CEP68: variants seen among roughly 807,000 people sequenced by gnomAD.
CEP68 encodes centrosomal protein 68, also known as centrosomal protein of 68 kDa.
Under a neutral mutation model 55.3 loss-of-function variants are expected in CEP68, and 26 were observed. The ratio of observed to expected loss-of-function variants is 0.47; its 90% CI spans 0.34 to 0.65. The LOEUF (loss-of-function observed/expected upper bound fraction) is 0.65. CEP68 is among the 30% of genes least tolerant of loss of function. CEP68 has a pLI of 0.01. For synonymous variants in CEP68, 402 were observed against 383.2 expected, an observed-to-expected ratio of 1.05 and a Z score of -0.57; for missense variants, 957 against 946.7, an observed-to-expected ratio of 1.01 and a Z score of -0.14.
At chr2:65,073,113 T>C (rs1188134937) in intron 3 of CEP68, 133 bp downstream of exon 3, 5 of 957,608 alleles carry the variant, frequency 5.2e-6, no homozygotes, top group Middle Eastern at 2.1e-4. Context: ...CTGTACCTTA[T>C]CTTATTCAGT....
rs141590287 is a variant in CEP68, at chr2:65,082,598, C to G, written c.2167C>G (p.Arg723Gly). 5 of 1,609,100 alleles carry G rather than the reference C, an allele frequency of 3.1e-6. No individual in the cohort carries two copies. Among genetic ancestry groups the G allele is most frequent in the Non-Finnish European group, 4.2e-6 (5 of 1,178,230 alleles). ...QSGELESHAD[R>G]LYDSILASLD... Reference sequence around the variant, plus strand: ...TGGTGAGCTGGAGAGCCACGCAGATCGCCTGTATGACTCTATCTTGGCCTC... The same window carrying G: ...TGGTGAGCTGGAGAGCCACGCAGATGGCCTGTATGACTCTATCTTGGCCTC... Residue 723 changes from arginine to glycine, a missense_variant, in exon 6 of 7, where the codon CGC (arginine) becomes GGC (glycine). Physicochemically the swap from Arg to Gly is moderately radical, Grantham distance 125. Transcript: ENST00000377990.
chr2:65,078,195 A>G (rs1298068626), intron 5 of CEP68, among the ~76,000 whole-genome samples: 1 of 152,204 alleles, frequency 6.6e-6, no homozygotes, highest in Non-Finnish European at 1.5e-5. Context: ...ATTACAAATT[A>G]GGCATTGAGC....
At chr2:65,068,017 C>G (rs13403868) in intron 1 of CEP68, among the ~76,000 whole-genome samples, 88 of 152,228 alleles carry the variant, frequency 5.8e-4, no homozygotes, top group African/African-American at 2.0e-3. Flanking sequence ...CAGCCATTCC[C>G]CCTTTGCAGG....
intron 2 of CEP68, among the ~76,000 whole-genome samples, chr2:65,070,190 C>T (rs1341703506): frequency 1.3e-5 from 2 of 152,232 alleles, no homozygotes; most frequent in Non-Finnish European, 2.9e-5. Flanking sequence ...GGGCTTTGGG[C>T]TCCTGGGGGC....
In CEP68 at chr2:65,072,163, A is replaced by G. The variant is rs1031427489; in HGVS notation, c.1067A>G (p.Asn356Ser). 23 of 1,614,018 alleles carry G rather than the reference A, an allele frequency of 1.4e-5. No homozygotes were observed. The highest frequency in any genetic ancestry group is 3.3e-5 in the South Asian group (3 of 91,082). Residue 356 changes from asparagine (N) to serine (S), a missense_variant, in exon 3 of 7, where the codon AAC (asparagine) becomes AGC (serine). Coordinates refer to ENST00000377990, the MANE Select transcript of CEP68 (RefSeq NM_015147.3). Reference protein sequence around the residue: ...TLKSPTNVSPNCPPAEATALP... With the variant: ...TLKSPTNVSPSCPPAEATALP... ...AAATCACCTACTAATGTCTCCCCCA[A>G]CTGCCCACCAGCAGAGGCCACTGCC... is the stretch of plus-strand genomic sequence containing the variant.
chr2:65,078,924 G>A (rs1407041353), intron 5 of CEP68, among the ~76,000 whole-genome samples: 1 of 152,224 alleles, frequency 6.6e-6, no homozygotes, highest in East Asian at 1.9e-4. Context: ...TAAGCATGCT[G>A]GGTGCCAAGG....
At chr2:65,067,625 C>A (rs1209398285) in intron 1 of CEP68, among the ~76,000 whole-genome samples, 1 of 152,138 alleles carries the variant, frequency 6.6e-6, no homozygotes, top group East Asian at 1.9e-4. Flanking sequence ...ATGACAACAG[C>A]CAACACTTAG....
In CEP68 at chr2:65,072,214, C is replaced by T. The variant is rs760018552; in HGVS notation, c.1118C>T (p.Pro373Leu). 3.7e-6 allele frequency: 6 copies of T among 1,614,016 alleles called. No homozygotes were observed. In the Admixed American group the frequency reaches 8.3e-5, roughly 22 times the overall value. ...CTGCCATTTTCTGGGCCCAGAGAGCCAAGCCTTAAGCAGTGGCCCTCCAGA... is the reference window on the plus strand; with the variant it reads ...CTGCCATTTTCTGGGCCCAGAGAGCTAAGCCTTAAGCAGTGGCCCTCCAGA... The part of the protein sequence containing the change: ...TALPFSGPRE[P>L]SLKQWPSRVP... Residue 373 changes from proline to leucine, a missense_variant, in exon 3 of 7, where the codon CCA becomes CTA. By Grantham distance (98) the Pro-to-Leu change is moderately conservative. Transcript: ENST00000377990.
intron 5 of CEP68, among the ~76,000 whole-genome samples, chr2:65,080,755 T>C (rs1444286905): frequency 6.6e-6 from 1 of 151,420 alleles, no homozygotes; most frequent in African/African-American, 2.4e-5. Flanking sequence ...GAGGCAGAGG[T>C]TGCAGTGAGC....
chr2:65,066,111 C>T (rs1363470512), intron 1 of CEP68, among the ~76,000 whole-genome samples: 1 of 152,152 alleles, frequency 6.6e-6, no homozygotes, highest in African/African-American at 2.4e-5. Flanking sequence ...GCTCACTCAT[C>T]TACCCACACT....
chr2:65,060,559 G>A (rs1023904897), intron 1 of CEP68, among the ~76,000 whole-genome samples: 15 of 151,772 alleles, frequency 9.9e-5, no homozygotes, highest in Admixed American at 3.3e-4. Context: ...GCGAGGCCTC[G>A]TCTCTTAAAA....
intron 1 of CEP68, among the ~76,000 whole-genome samples, chr2:65,057,579 T>G (rs1171944284): frequency 6.6e-6 from 1 of 152,200 alleles, no homozygotes; most frequent in Non-Finnish European, 1.5e-5. Context: ...GCAGCCTCTG[T>G]TTTTACTCAT....
chr2:65,075,674 C>T (rs755733827), intron 4 of CEP68, among the ~76,000 whole-genome samples: 7 of 152,150 alleles, frequency 4.6e-5, no homozygotes, highest in Non-Finnish European at 1.0e-4. Context: ...TTAACCTTGG[C>T]TGAACTCCTG....
chr2:65,057,433 G>C (rs1342266909), intron 1 of CEP68, among the ~76,000 whole-genome samples: 1 of 152,150 alleles, frequency 6.6e-6, no homozygotes, highest in Admixed American at 6.5e-5. Context: ...CCTCTGTTGA[G>C]TCAATTCTGG....
chr2:65,067,007 A>G (rs1676220386), intron 1 of CEP68, among the ~76,000 whole-genome samples: 1 of 151,554 alleles, frequency 6.6e-6, no homozygotes, highest in African/African-American at 2.4e-5. Flanking sequence ...GAGCCCCTAG[A>G]TATTTTTTGT....
rs1160262803 is a variant in CEP68 at position 65,072,026 on chromosome 2, G to T, written c.930G>T (p.Arg310Ser). 1 of 1,613,168 alleles carries T rather than the reference G, an allele frequency of 6.2e-7. No individual in the cohort carries two copies. Among genetic ancestry groups the T allele is most frequent in the Non-Finnish European group, 8.5e-7 (1 of 1,179,962 alleles). Residue 310 changes from arginine (R) to serine (S), a missense_variant, in exon 3 of 7, where the codon AGG (arginine) becomes AGT (serine). Transcript: ENST00000377990. ...EDLLDYTYPL[R>S]PGPQLPKHLD... Reference sequence around the variant, plus strand: ...TGCTTGACTATACTTACCCACTGAGGCCCGGGCCTCAGCTCCCAAAGCACC... The same window carrying T: ...TGCTTGACTATACTTACCCACTGAGTCCCGGGCCTCAGCTCCCAAAGCACC...
intron 1 of CEP68, among the ~76,000 whole-genome samples, chr2:65,057,773 GCTCT>G (rs1252001711): frequency 6.6e-5 from 10 of 152,140 alleles, no homozygotes; most frequent in African/African-American, 9.7e-5. Context: ...CTAAGCTCAG[GCTCT>G]CTAAGTCAAA....
Position 65,085,509 on chromosome 2 carries a change from C to T in CEP68, c.*1875C>T, listed in dbSNP as rs1669000998. The T allele has an allele frequency of 6.6e-6, 1 of 152,168 alleles. No homozygotes were observed. The highest frequency in any genetic ancestry group is 6.6e-5 in the Admixed American group (1 of 15,264). The allele number at this position is 152,168 out of a possible 1,614,324, so 9.4% of individuals were successfully genotyped here. On this transcript the variant is annotated 3_prime_UTR_variant, in exon 7 of 7. Coordinates refer to ENST00000377990, the MANE Select transcript of CEP68 (RefSeq NM_015147.3). The stretch of plus-strand genomic sequence containing the variant: ...GCCGTGCTTTAAGTTTAAGACTTAC[C>T]TTAAAACTCAAGCTGAAGGCTGGGC...
intron 1 of CEP68, among the ~76,000 whole-genome samples, chr2:65,065,955 T>TAAAA (rs59986437): frequency 6.2e-5 from 8 of 129,408 alleles, no homozygotes; most frequent in Non-Finnish European, 5.1e-5. Context: ...GACTTCATCT[T>TAAAA]AAAAAAAAAA....
Sources: allele counts gnomAD v4.1 joint callset (sites outside exome capture counted in the v4.1 genomes callset), GRCh38; gene constraint gnomAD v4.1.1; transcripts MANE v1.5; gene names NCBI Gene and HGNC (gene_info 2026-07-23, HGNC 2026-07-21).